MBNL2: variants seen among roughly 807,000 people sequenced by gnomAD.
The protein encoded by MBNL2 is muscleblind like splicing regulator 2, also known as muscleblind-like protein 2.
In MBNL2, 17 loss-of-function variants were observed where a neutral mutation model predicts 41.9. The observed-to-expected ratio is 0.41, with a 90% CI of 0.28 to 0.61. MBNL2 has a LOEUF of 0.61. Among genes scored for constraint, MBNL2 ranks in the 20% least tolerant of loss-of-function variants. The pLI, the probability that MBNL2 is intolerant of heterozygous loss-of-function variation, is 0.35. For missense variants in MBNL2, 336 were observed against 505.6 expected (o/e 0.66, Z 3.22); for synonymous variants, 195 against 182.9 (o/e 1.07, Z -0.53).
rs1004577618 is a variant in MBNL2, at chr13:97,346,111, A to G, written c.541-693A>G. Among the ~76,000 whole-genome samples, 1 of 152,102 alleles carries G rather than the reference A, an allele frequency of 6.6e-6. No homozygotes were observed. Among genetic ancestry groups the G allele is most frequent in the African/African-American group, 2.4e-5 (1 of 41,402 alleles). ...GGCTGGATGGATAGATGATAGATGGATGAATGAATGGCTGGCTGGATGGAC... is the reference window on the plus strand; with the variant it reads ...GGCTGGATGGATAGATGATAGATGGGTGAATGAATGGCTGGCTGGATGGAC... On this transcript the variant is annotated intron_variant, in intron 4 of 8. Transcript: ENST00000679496. This position sits in a 1 kb window ranked among gnomAD's most constrained non-coding sequence, Gnocchi z 4.2.
chr13:97,350,286 C>T (rs1436794580), intron 5 of MBNL2, among the ~76,000 whole-genome samples: 1 of 152,130 alleles, frequency 6.6e-6, no homozygotes, highest in Non-Finnish European at 1.5e-5. Context: ...ATAGTCAGAG[C>T]TTTTAGTGAG....
chr13:97,202,125 A>C, the MBNL2 span, among the ~76,000 whole-genome samples: 1 of 152,236 alleles, frequency 6.6e-6, no homozygotes, highest in Non-Finnish European at 1.5e-5. Flanking sequence ...ACATATTGAA[A>C]TGTTTGTAGT....
chr13:97,293,911 A>G (rs1377439694), intron 2 of MBNL2, among the ~76,000 whole-genome samples: 4 of 152,068 alleles, frequency 2.6e-5, no homozygotes, highest in Non-Finnish European at 1.5e-5. Context: ...CCCGAGCAGT[A>G]TACACGGAAC....
the MBNL2 span, among the ~76,000 whole-genome samples, chr13:97,154,349 C>T: frequency 6.6e-6 from 1 of 152,052 alleles, no homozygotes; most frequent in Admixed American, 6.6e-5. Context: ...GAGTCTTGCT[C>T]TTTTTCCCAG....
At chr13:97,260,046 G>A (rs2048315462) in intron 1 of MBNL2, among the ~76,000 whole-genome samples, 1 of 152,184 alleles carries the variant, frequency 6.6e-6, no homozygotes, top group African/African-American at 2.4e-5. Flanking sequence ...AGATAAACAA[G>A]TATGCATGTG....
intron 8 of MBNL2, among the ~76,000 whole-genome samples, chr13:97,379,123 T>C: frequency 6.6e-6 from 1 of 152,218 alleles, no homozygotes; most frequent in Non-Finnish European, 1.5e-5. Flanking sequence ...CTACTGAGTT[T>C]ATTGCTTTGA....
At chr13:97,211,612 A>G in the MBNL2 span, among the ~76,000 whole-genome samples, 1 of 152,166 alleles carries the variant, frequency 6.6e-6, no homozygotes, top group Admixed American at 6.5e-5. Context: ...AAATGATGTG[A>G]GGTGATGACA....
the MBNL2 span, among the ~76,000 whole-genome samples, chr13:97,171,581 T>C: frequency 1.3e-5 from 2 of 152,224 alleles, no homozygotes; most frequent in East Asian, 3.8e-4. Flanking sequence ...CATTTAGAGT[T>C]GAAACCAAGC....
At chr13:97,332,905 C>T (rs2060548373) in intron 2 of MBNL2, among the ~76,000 whole-genome samples, 2 of 152,212 alleles carry the variant, frequency 1.3e-5, no homozygotes, top group African/African-American at 4.8e-5. Flanking sequence ...AACAGTAGAT[C>T]CTCAGGACAG....
the MBNL2 span, among the ~76,000 whole-genome samples, chr13:97,164,376 G>T: frequency 2.0e-5 from 3 of 152,150 alleles, no homozygotes; most frequent in African/African-American, 7.2e-5. Context: ...GTTCTTTTCA[G>T]TGCCACGACT....
chr13:97,144,423 C>CTTTTTTTTTTTTTTTTTTTTTTTT, the MBNL2 span, among the ~76,000 whole-genome samples: 1 of 118,108 alleles, frequency 8.5e-6, no homozygotes, highest in African/African-American at 4.0e-5. Flanking sequence ...CATGATACTT[C>CTTTTTTTTTTTTTTTTTTTTTTTT]TTTTTTTTTT....
At chr13:97,144,431 T>C in the MBNL2 span, among the ~76,000 whole-genome samples, 3 of 43,264 alleles carry the variant, frequency 6.9e-5, no homozygotes, top group Non-Finnish European at 3.2e-4. Context: ...TTCTTTTTTT[T>C]TTTTTTTTTT....
intron 8 of MBNL2, among the ~76,000 whole-genome samples, chr13:97,373,166 C>T (rs765484362): frequency 7.9e-5 from 12 of 152,128 alleles, no homozygotes; most frequent in Non-Finnish European, 1.3e-4. Context: ...AGCTGGGCCC[C>T]ACGTATGTTG....
chr13:97,168,897 TG>T, the MBNL2 span, among the ~76,000 whole-genome samples: 1 of 152,192 alleles, frequency 6.6e-6, no homozygotes. Flanking sequence ...AGAAGCCTCT[TG>T]GGGACCTTTT....
intron 2 of MBNL2, among the ~76,000 whole-genome samples, chr13:97,280,801 C>T (rs2053245630): frequency 6.6e-6 from 1 of 152,224 alleles, no homozygotes; most frequent in Non-Finnish European, 1.5e-5. Context: ...AATACTCTTG[C>T]CTCAGCCACA....
intron 7 of MBNL2, 107 bp downstream of exon 7, chr13:97,357,742 C>T: frequency 9.4e-7 from 1 of 1,069,288 alleles, no homozygotes; most frequent in Non-Finnish European, 1.4e-6. Flanking sequence ...AGGTATAATA[C>T]AGTTTGAAAT....
At chr13:97,315,740 C>A (rs1435784902) in intron 2 of MBNL2, among the ~76,000 whole-genome samples, 1 of 152,134 alleles carries the variant, frequency 6.6e-6, no homozygotes, top group African/African-American at 2.4e-5. Flanking sequence ...GAAAGCAGGG[C>A]TTGGACTGGA....
intron 1 of MBNL2, among the ~76,000 whole-genome samples, chr13:97,224,628 CA>C (rs538498133): frequency 0.15 from 16,035 of 107,264 alleles, 1,037 homozygotes; most frequent in African/African-American, 0.26. Flanking sequence ...GACCTTTTAC[CA>C]AAAAAAAAAA....
At chr13:97,353,484 A>G (rs1010754722) in intron 5 of MBNL2, among the ~76,000 whole-genome samples, 8 of 152,236 alleles carry the variant, frequency 5.3e-5, no homozygotes, top group African/African-American at 1.9e-4. Flanking sequence ...CCTGACTTCC[A>G]TATAGAAACC....
Sources: gnomAD v4.1 joint callset for allele counts (sites outside exome capture counted in the v4.1 genomes callset) on GRCh38, gnomAD v4.1.1 for gene constraint, Gnocchi (gnomAD v3.1) non-coding constraint, MANE v1.5 for transcripts, NCBI Gene and HGNC (gene_info 2026-07-23, HGNC 2026-07-21) for gene names.